Variants in ANXA8 observed in about 807,000 individuals in gnomAD.
ANXA8 encodes the protein VAC-beta.
Under a neutral mutation model 26.8 loss-of-function variants are expected in ANXA8, and 9 were observed. The observed-to-expected ratio is 0.34, with a 90% CI of 0.20 to 0.59. The LOEUF (loss-of-function observed/expected upper bound fraction) is 0.59. Among genes scored for constraint, ANXA8 ranks in the 20% least tolerant of loss-of-function variants. The pLI, the probability that ANXA8 is intolerant of heterozygous loss-of-function variation, is 0.84. For missense variants in ANXA8, 83 were observed against 238.5 expected (o/e 0.35, Z 4.29); for synonymous variants, 39 against 94.8 (o/e 0.41, Z 3.42).
the ANXA8 span, among the ~76,000 whole-genome samples, chr10:47,735,399 C>CT: frequency 5.6e-4 from 81 of 143,674 alleles, no homozygotes; most frequent in South Asian, 4.6e-3. Context: ...CAGGCCGTTT[C>CT]TTTTTTTTTT....
At chr10:47,533,036 GCACAGA>G in the ANXA8 span, among the ~76,000 whole-genome samples, 1 of 118,766 alleles carries the variant, frequency 8.4e-6, no homozygotes, top group Non-Finnish European at 1.7e-5. Flanking sequence ...TGTACAGTCT[GCACAGA>G]CACTAGGCTT....
chr10:47,511,266 T>C, the ANXA8 span, among the ~76,000 whole-genome samples: 1 of 142,514 alleles, frequency 7.0e-6, no homozygotes, highest in Non-Finnish European at 1.5e-5. Flanking sequence ...TTTACTACGA[T>C]AAAATGTAGT....
chr10:47,563,834 A>G, the ANXA8 span: 78 of 614,134 alleles, frequency 1.3e-4, no homozygotes, highest in South Asian at 1.5e-3. Context: ...TTTCTCAATT[A>G]CTCTAAATTA....
the ANXA8 span, among the ~76,000 whole-genome samples, chr10:47,596,158 A>G: frequency 4.3e-4 from 51 of 118,756 alleles, no homozygotes; most frequent in South Asian, 1.7e-3. Flanking sequence ...AACTAAAGAA[A>G]TTACTCTTGA....
At chr10:47,657,215 G>T in the ANXA8 span, among the ~76,000 whole-genome samples, 2 of 151,786 alleles carry the variant, frequency 1.3e-5, no homozygotes, top group Non-Finnish European at 1.5e-5. Context: ...TCTGGTCTAA[G>T]ATTATCTTAC....
the ANXA8 span, among the ~76,000 whole-genome samples, chr10:47,548,599 CCTTTTTTT>C: frequency 2.8e-5 from 4 of 144,788 alleles, no homozygotes; most frequent in African/African-American, 7.5e-5. Context: ...CTGTGTCTGG[CCTTTTTTT>C]CTTTTTTTCT....
At chr10:47,975,282 T>C in the ANXA8 span, among the ~76,000 whole-genome samples, 65 of 149,692 alleles carry the variant, frequency 4.3e-4, 5 homozygotes, top group Non-Finnish European at 5.8e-4. Context: ...AAGAATGCCA[T>C]GTTCAAAGAA....
At chr10:47,777,792 AT>A in the ANXA8 span, among the ~76,000 whole-genome samples, 3 of 150,288 alleles carry the variant, frequency 2.0e-5, no homozygotes, top group African/African-American at 2.4e-5. Flanking sequence ...CAGCTTAAAC[AT>A]TTTTTTTTAG....
chr10:47,743,111 T>C, the ANXA8 span, among the ~76,000 whole-genome samples: 318 of 131,036 alleles, frequency 2.4e-3, no homozygotes, highest in African/African-American at 8.9e-3. Context: ...GCGGAGCTTG[T>C]AGTGAGCCAA....
chr10:47,969,783 G>C, the ANXA8 span, among the ~76,000 whole-genome samples: 1 of 150,798 alleles, frequency 6.6e-6, no homozygotes, highest in African/African-American at 2.4e-5. Context: ...TGGTGTGACG[G>C]TAACTCACTG....
chr10:47,680,621 C>A, the ANXA8 span, among the ~76,000 whole-genome samples: 1 of 148,206 alleles, frequency 6.7e-6, no homozygotes, highest in Non-Finnish European at 1.5e-5. Context: ...GGCAACAGAG[C>A]AAGACTCCAT....
chr10:47,644,079 C>T, the ANXA8 span, among the ~76,000 whole-genome samples: 1 of 125,290 alleles, frequency 8.0e-6, no homozygotes, highest in South Asian at 2.5e-4. Context: ...TTAGGAAAAG[C>T]ATGGTCCTAG....
chr10:47,898,811 ATTTTTTTTTTTTTTTT>A, the ANXA8 span, among the ~76,000 whole-genome samples: 10 of 56,242 alleles, frequency 1.8e-4, no homozygotes, highest in African/African-American at 4.3e-4. Flanking sequence ...AAGAGAATGG[ATTTTTTTTTTTTTTTT>A]TTTTTTTTTT....
the ANXA8 span, among the ~76,000 whole-genome samples, chr10:47,701,387 T>C: frequency 1.7e-4 from 26 of 151,396 alleles, no homozygotes; most frequent in African/African-American, 5.6e-4. Flanking sequence ...TGAAGCTACA[T>C]CTCCAACAAT....
chr10:47,690,941 C>T, the ANXA8 span: 9 of 1,611,078 alleles, frequency 5.6e-6, no homozygotes, highest in Non-Finnish European at 7.6e-6. Flanking sequence ...GGAGATTCTG[C>T]TGTAGAAATG....
chr10:47,899,544 C>T, the ANXA8 span, among the ~76,000 whole-genome samples: 2 of 55,448 alleles, frequency 3.6e-5, 1 homozygote, highest in East Asian at 5.6e-4. Flanking sequence ...CAGTGTTCCT[C>T]TGTTGTCCAG....
At chr10:47,704,880 A>C in the ANXA8 span, among the ~76,000 whole-genome samples, 3,574 of 150,856 alleles carry the variant, frequency 0.024, 97 homozygotes, top group African/African-American at 0.082. Context: ...TGAAATAAAC[A>C]TACTTTATTC....
chr10:47,981,770 G>A, the ANXA8 span, among the ~76,000 whole-genome samples: 2 of 140,646 alleles, frequency 1.4e-5, no homozygotes, highest in Admixed American at 7.3e-5. Flanking sequence ...CACCACTGAA[G>A]GAAATTAAAG....
chr10:47,776,806 T>C, the ANXA8 span, among the ~76,000 whole-genome samples: 2 of 151,850 alleles, frequency 1.3e-5, no homozygotes, highest in African/African-American at 4.8e-5. Context: ...AAGATTGGCT[T>C]AAGCAAGATA....
Sources: gnomAD v4.1 joint callset for allele counts (sites outside exome capture counted in the v4.1 genomes callset) on GRCh38, gnomAD v4.1.1 for gene constraint, MANE v1.5 for transcripts, NCBI Gene and HGNC (gene_info 2026-07-23, HGNC 2026-07-21) for gene names.